MRAP2: variants seen among roughly 807,000 people sequenced by gnomAD.
MRAP2 encodes the protein melanocortin 2 receptor accessory protein 2.
A neutral mutation model predicts 17.4 loss-of-function variants in MRAP2; 20 were observed. The observed-to-expected ratio is 1.15, with a 90% CI of 0.81 to 1.67. MRAP2 has a LOEUF of 1.67. MRAP2 is among the 40% of genes most tolerant of loss of function. MRAP2 has a pLI of 0.00. For missense variants in MRAP2, 238 were observed against 240.0 expected (o/e 0.99, Z 0.05); for synonymous variants, 96 against 88.4 (o/e 1.09, Z -0.48).
intron 1 of MRAP2, among the ~76,000 whole-genome samples, chr6:84,034,451 G>A (rs1283618009): frequency 2.0e-5 from 3 of 151,812 alleles, no homozygotes; most frequent in African/African-American, 4.8e-5. Flanking sequence ...GAGGGAAATA[G>A]GGGTTTTACA....
At chr6:84,114,761 A>G in the MRAP2 span, among the ~76,000 whole-genome samples, 5 of 151,996 alleles carry the variant, frequency 3.3e-5, no homozygotes, top group Non-Finnish European at 7.4e-5. Context: ...GGGTCTCTGC[A>G]TGGACGTCCT....
the MRAP2 span, among the ~76,000 whole-genome samples, chr6:84,134,116 C>A: frequency 6.6e-6 from 1 of 152,202 alleles, no homozygotes; most frequent in African/African-American, 2.4e-5. Context: ...CTGCAGTGGG[C>A]TCTGCCCAGT....
At chr6:84,037,772 C>T (rs113076410) in intron 1 of MRAP2, among the ~76,000 whole-genome samples, 3,707 of 152,208 alleles carry the variant, frequency 0.024, 146 homozygotes, top group African/African-American at 0.083. Flanking sequence ...ACTGAGTCTG[C>T]GCCCACCTAG....
chr6:84,141,375 A>G, the MRAP2 span, among the ~76,000 whole-genome samples: 4 of 152,166 alleles, frequency 2.6e-5, no homozygotes, highest in African/African-American at 9.7e-5. Context: ...GCAAACAAAC[A>G]AAAGTCAGAC....
intron 3 of MRAP2, among the ~76,000 whole-genome samples, chr6:84,066,319 T>A (rs1008370762): frequency 1.3e-5 from 2 of 152,330 alleles, no homozygotes; most frequent in Non-Finnish European, 2.9e-5. Context: ...TTTTAAATGC[T>A]TCTAAGCACA....
At chr6:84,042,302 C>T (rs2099487800) in intron 1 of MRAP2, among the ~76,000 whole-genome samples, 3 of 152,154 alleles carry the variant, frequency 2.0e-5, no homozygotes. Flanking sequence ...ATAAATTACC[C>T]AGTCTCAGGT....
the MRAP2 span, among the ~76,000 whole-genome samples, chr6:84,101,998 T>C: frequency 2.6e-5 from 4 of 152,172 alleles, no homozygotes; most frequent in African/African-American, 4.8e-5. Context: ...TGTGTGTGCA[T>C]GTATACAATG....
intron 3 of MRAP2, among the ~76,000 whole-genome samples, chr6:84,081,634 C>A (rs2099499028): frequency 3.9e-5 from 6 of 152,182 alleles, no homozygotes; most frequent in Admixed American, 3.9e-4. Flanking sequence ...GCATGGCCAA[C>A]ATGGTGAAAT....
chr6:84,091,229 A>G (rs149917836), downstream of MRAP2, among the ~76,000 whole-genome samples: 950 of 145,428 alleles, frequency 6.5e-3, 13 homozygotes, highest in African/African-American at 0.022. Flanking sequence ...AAGAATGCTG[A>G]GTTTGTTAAC....
downstream of MRAP2, among the ~76,000 whole-genome samples, chr6:84,093,070 G>C (rs1031810283): frequency 1.6e-4 from 24 of 152,164 alleles, no homozygotes; most frequent in African/African-American, 5.8e-4. Context: ...GTTTTTAGCT[G>C]AGTAGTTTTA....
intron 1 of MRAP2, among the ~76,000 whole-genome samples, chr6:84,047,984 T>C (rs1054952823): frequency 2.0e-5 from 3 of 152,254 alleles, no homozygotes; most frequent in African/African-American, 7.2e-5. Context: ...AATATTGCAT[T>C]GTATATACAA....
chr6:84,115,346 G>A, the MRAP2 span, among the ~76,000 whole-genome samples: 2 of 152,184 alleles, frequency 1.3e-5, no homozygotes, highest in Non-Finnish European at 2.9e-5. Flanking sequence ...CACCTAGTTC[G>A]AACTTCTCAG....
At chr6:84,040,192 C>CT (rs1343606870) in intron 1 of MRAP2, among the ~76,000 whole-genome samples, 1 of 152,098 alleles carries the variant, frequency 6.6e-6, no homozygotes, top group Non-Finnish European at 1.5e-5. Context: ...TCTCTTCACT[C>CT]TGACTTCTCC....
the MRAP2 span, among the ~76,000 whole-genome samples, chr6:84,101,300 G>C: frequency 6.6e-6 from 1 of 152,204 alleles, no homozygotes; most frequent in Admixed American, 6.5e-5. Context: ...AAGAAATTCA[G>C]CTTAGTGATC....
At chr6:84,134,953 C>T in the MRAP2 span, among the ~76,000 whole-genome samples, 1 of 129,546 alleles carries the variant, frequency 7.7e-6, no homozygotes, top group Non-Finnish European at 1.7e-5. Context: ...CACACACACA[C>T]ACATATATAG....
intron 1 of MRAP2, among the ~76,000 whole-genome samples, chr6:84,050,637 G>A (rs569232610): frequency 7.9e-5 from 12 of 152,332 alleles, no homozygotes; most frequent in South Asian, 6.2e-4. Flanking sequence ...GAAAGACAGC[G>A]TTATGAGTCA....
chr6:84,058,760 A>T (rs2099492318), intron 2 of MRAP2, among the ~76,000 whole-genome samples: 1 of 152,170 alleles, frequency 6.6e-6, no homozygotes, highest in Admixed American at 6.6e-5. Context: ...AGAAAACTGG[A>T]CAATTGTGGT....
chr6:84,125,375 G>A, the MRAP2 span: 2 of 965,288 alleles, frequency 2.1e-6, no homozygotes, highest in Non-Finnish European at 3.2e-6. Context: ...TTTCTTTGGG[G>A]AACTCAGGTA....
chr6:84,127,975 C>G, the MRAP2 span, among the ~76,000 whole-genome samples: 1 of 152,158 alleles, frequency 6.6e-6, no homozygotes, highest in Non-Finnish European at 1.5e-5. Context: ...TTAGGCTGAG[C>G]ACTTTACAGA....
Sources: gnomAD v4.1 joint callset for allele counts (sites outside exome capture counted in the v4.1 genomes callset) on GRCh38, gnomAD v4.1.1 for gene constraint, MANE v1.5 for transcripts, NCBI Gene and HGNC (gene_info 2026-07-23, HGNC 2026-07-21) for gene names.